The following KCNH5 variants were observed in gnomAD, a reference collection of about 807,000 sequenced individuals.
KCNH5 encodes potassium voltage-gated channel subfamily H member 5, also known as voltage-gated delayed rectifier potassium channel KCNH5.
Under a neutral mutation model 96.1 loss-of-function variants are expected in KCNH5, and 46 were observed. The ratio of observed to expected loss-of-function variants is 0.48; its 90% CI spans 0.38 to 0.61. KCNH5 has a LOEUF of 0.61. Among genes scored for constraint, KCNH5 ranks in the 20% least tolerant of loss-of-function variants. The pLI is 0.00. For synonymous variants in KCNH5, 439 were observed against 449.8 expected (o/e 0.98, Z 0.30); for missense variants, 907 against 1,225.8 (o/e 0.74, Z 3.88).
At chr14:63,003,520 A>G (rs1891057210) in intron 3 of KCNH5, among the ~76,000 whole-genome samples, 2 of 114,732 alleles carry the variant, frequency 1.7e-5, no homozygotes, top group Non-Finnish European at 3.4e-5. Flanking sequence ...TATATTTTAT[A>G]TATTTTATAT....
intron 7 of KCNH5, among the ~76,000 whole-genome samples, chr14:62,865,188 G>C (rs1412976309): frequency 3.9e-5 from 6 of 152,124 alleles, no homozygotes; most frequent in Admixed American, 2.6e-4. Context: ...TGAGTTGGCA[G>C]GGCTTGATGT....
intron 10 of KCNH5, among the ~76,000 whole-genome samples, chr14:62,746,072 G>A (rs746898134): frequency 9.3e-4 from 142 of 152,258 alleles, no homozygotes; most frequent in Middle Eastern, 3.4e-3. Context: ...GGAAGTGGGA[G>A]AAAAGAAGTG....
chr14:63,031,877 A>C (rs1891634663), intron 1 of KCNH5, among the ~76,000 whole-genome samples: 1 of 152,068 alleles, frequency 6.6e-6, no homozygotes, highest in African/African-American at 2.4e-5. Flanking sequence ...ATATATATAC[A>C]ATTTTTAAGA....
chr14:62,931,046 G>A (rs189504841), intron 7 of KCNH5, among the ~76,000 whole-genome samples: 37 of 152,218 alleles, frequency 2.4e-4, no homozygotes, highest in Non-Finnish European at 5.0e-4. Context: ...TGGGCTTCAG[G>A]AATGATGTAG....
chr14:62,883,553 T>C (rs1035051871), intron 7 of KCNH5, among the ~76,000 whole-genome samples: 2 of 152,038 alleles, frequency 1.3e-5, no homozygotes, highest in Non-Finnish European at 2.9e-5. Context: ...AAATGGCATA[T>C]ACAGAAAGAA....
intron 7 of KCNH5, among the ~76,000 whole-genome samples, chr14:62,879,230 C>G (rs563340454): frequency 9.9e-4 from 150 of 152,190 alleles, no homozygotes; most frequent in African/African-American, 3.4e-3. Context: ...GGAGAGAATA[C>G]AGAGCAACTG....
chr14:62,819,143 T>G (rs989301524), intron 8 of KCNH5, among the ~76,000 whole-genome samples: 1 of 152,068 alleles, frequency 6.6e-6, no homozygotes, highest in Admixed American at 6.6e-5. Flanking sequence ...ATTTTTTGTA[T>G]TTTTCGTAGA....
At chr14:62,903,867 A>G (rs930182534) in intron 7 of KCNH5, among the ~76,000 whole-genome samples, 1 of 152,032 alleles carries the variant, frequency 6.6e-6, no homozygotes, top group Non-Finnish European at 1.5e-5. Flanking sequence ...AATACTAAAA[A>G]GTAGATCTAA....
In KCNH5 at chr14:62,974,462, C is replaced by G. The variant is rs970285885; in HGVS notation, c.942+6410G>C. Among the ~76,000 whole-genome samples the G allele has an allele frequency of 2.0e-5, 3 of 152,072 alleles. No homozygotes were observed. The South Asian group carries it at 6.2e-4, about 32-fold the overall frequency. ...ATTCTTAGTGACAACATTCTTTTAC[C>G]CTCTGTTTACAGCTTTTAGAAAATT... On this transcript the variant is annotated intron_variant, in intron 6 of 10. Transcript: ENST00000322893.
chr14:62,877,517 A>G (rs2140072664), intron 7 of KCNH5, among the ~76,000 whole-genome samples: 1 of 152,348 alleles, frequency 6.6e-6, no homozygotes, highest in Admixed American at 6.5e-5. Flanking sequence ...AAACAACCCC[A>G]TCAACAAGTG....
At chr14:62,911,993 A>C (rs1472551196) in intron 7 of KCNH5, among the ~76,000 whole-genome samples, 1 of 148,774 alleles carries the variant, frequency 6.7e-6, no homozygotes, top group African/African-American at 2.5e-5. Flanking sequence ...AGCCGAGATC[A>C]TGCCACTGCA....
At chr14:62,866,865 G>A (rs1356834116) in intron 7 of KCNH5, among the ~76,000 whole-genome samples, 6 of 152,042 alleles carry the variant, frequency 3.9e-5, no homozygotes, top group African/African-American at 1.4e-4. Flanking sequence ...CTAAATTACT[G>A]GAACAGCCTC....
intron 10 of KCNH5, among the ~76,000 whole-genome samples, chr14:62,767,476 T>C (rs1239241321): frequency 6.6e-6 from 1 of 152,212 alleles, no homozygotes; most frequent in Non-Finnish European, 1.5e-5. Context: ...ATATACACAC[T>C]GGAATACTAC....
At chr14:63,029,667 A>C (rs953602074) in intron 1 of KCNH5, among the ~76,000 whole-genome samples, 2 of 151,822 alleles carry the variant, frequency 1.3e-5, no homozygotes, top group African/African-American at 4.8e-5. Flanking sequence ...GAAAAATGAG[A>C]AGAAGAGAGG....
chr14:62,853,456 CAT>C (rs61444088), intron 7 of KCNH5, among the ~76,000 whole-genome samples: 27,178 of 93,150 alleles, frequency 0.29, 4,706 homozygotes, highest in Middle Eastern at 0.38. Context: ...AAAGAATAAT[CAT>C]ATATATATAT....
Position 62,981,306 on chromosome 14 carries a change from C to G in KCNH5, c.550-42G>C, listed in dbSNP as rs762971648. 5 of 1,581,066 alleles carry G rather than the reference C, an allele frequency of 3.2e-6. No individual in the cohort carries two copies. The East Asian group carries it at 1.1e-4, about 35-fold the overall frequency. On this transcript the variant is annotated intron_variant, in intron 5 of 10. Coordinates refer to ENST00000322893, the MANE Select transcript of KCNH5 (RefSeq NM_139318.5). Reference sequence around the variant, plus strand: ...GTATTTATACATGACTAGGTTATCTCTGCACAGTCAGTGATGAATTCAAAT... The same window carrying G: ...GTATTTATACATGACTAGGTTATCTGTGCACAGTCAGTGATGAATTCAAAT...
intron 9 of KCNH5, among the ~76,000 whole-genome samples, chr14:62,799,093 T>C (rs1237264795): frequency 6.6e-6 from 1 of 152,152 alleles, no homozygotes; most frequent in African/African-American, 2.4e-5. Context: ...TTTTGGCATA[T>C]TTAAATGCCA....
intron 7 of KCNH5, among the ~76,000 whole-genome samples, chr14:62,931,664 C>A (rs1290164974): frequency 6.6e-6 from 1 of 152,098 alleles, no homozygotes; most frequent in African/African-American, 2.4e-5. Flanking sequence ...CACTAAATAT[C>A]CCAGGAATTG....
At chr14:62,717,015 A>G (rs979704934) in intron 10 of KCNH5, among the ~76,000 whole-genome samples, 2 of 152,188 alleles carry the variant, frequency 1.3e-5, no homozygotes, top group Admixed American at 6.5e-5. Context: ...ACCATCTGAA[A>G]ATGAAATTAA....
Sources: allele counts gnomAD v4.1 joint callset (sites outside exome capture counted in the v4.1 genomes callset), GRCh38; gene constraint gnomAD v4.1.1; transcripts MANE v1.5; gene names NCBI Gene and HGNC (gene_info 2026-07-23, HGNC 2026-07-21).